PI4KA: variants seen among roughly 807,000 people sequenced by gnomAD.
The protein encoded by PI4KA is PI4-kinase alpha.
In PI4KA, 122 loss-of-function variants were observed where a neutral mutation model predicts 271.4. The ratio of observed to expected loss-of-function variants is 0.45; its 90% confidence interval spans 0.39 to 0.52. PI4KA has a LOEUF of 0.52. Among genes scored for constraint, PI4KA ranks in the 20% least tolerant of loss-of-function variants. The pLI is 0.00. For synonymous variants in PI4KA, 1,041 were observed against 1,078.8 expected (o/e 0.96, Z 0.69); for missense variants, 1,969 against 2,769.1 (o/e 0.71, Z 6.48).
chr22:20,770,051 T>C lies in PI4KA; in HGVS notation c.2329-4358A>G, dbSNP rs118040554. Among the ~76,000 whole-genome samples, 352 of 152,290 alleles carry C rather than the reference T, an allele frequency of 2.3e-3. 3 individuals carry two copies. In the East Asian group the frequency reaches 0.054, roughly 23 times the overall value. On this transcript the variant is annotated intron_variant, in intron 19 of 54. Coordinates refer to ENST00000255882, the MANE Select transcript of PI4KA (RefSeq NM_058004.4). ...TTATTCCAATTTCTCTGTGTATGTA[T>C]ACATATTTTTTTTAGAGACAGGGTC...
At position 20,765,156 on chromosome 22, in the gene PI4KA, G is replaced by A; in HGVS notation, c.2518C>T (p.Pro840Ser). The change falls in exon 21 of 55, where the codon CCA becomes TCA. Residue 840 changes from proline to serine, a missense_variant. Pro to Ser is a moderately conservative substitution (Grantham distance 74, BLOSUM62 -1). Transcript: ENST00000255882. ...SPLLTFPSKE[P>S]LRSVLQYNSA... is the part of the protein sequence containing the mutation. ...TTATACTGGAGGACGGACCGCAGTG[G>A]CTCCTTGCTGGGAAAGGTGAGCAAG... The A allele has an allele frequency of 6.2e-7, 1 of 1,613,728 alleles. No individual in the cohort carries two copies. Among genetic ancestry groups the A allele is most frequent in the Non-Finnish European group, 8.5e-7 (1 of 1,179,660 alleles).
At chr22:20,790,785 C>T (rs1934596231) in intron 19 of PI4KA, among the ~76,000 whole-genome samples, 1 of 150,982 alleles carries the variant, frequency 6.6e-6, no homozygotes, top group Non-Finnish European at 1.5e-5. Context: ...TCCAGAAGGT[C>T]CAAGGGGTAA....
chr22:20,786,724 C>A, intron 19 of PI4KA: 1 of 814,568 alleles, frequency 1.2e-6, no homozygotes, highest in Non-Finnish European at 2.0e-6. Flanking sequence ...CAGGTGGTGA[C>A]AGATATTTTC....
intron 19 of PI4KA, among the ~76,000 whole-genome samples, chr22:20,770,806 C>G (rs148478968): frequency 1.5e-3 from 223 of 152,256 alleles, no homozygotes; most frequent in Non-Finnish European, 1.9e-3. Flanking sequence ...ATCCTCCTGC[C>G]TCAGCCTCCC....
chr22:20,809,761 A>G (rs1935889747), intron 9 of PI4KA, among the ~76,000 whole-genome samples: 1 of 152,230 alleles, frequency 6.6e-6, no homozygotes, highest in East Asian at 1.9e-4. Context: ...AGGGTTGGAG[A>G]CAAGGTAGGA....
chr22:20,721,625 G>A (rs1926749974), intron 42 of PI4KA: 1 of 561,606 alleles, frequency 1.8e-6, no homozygotes, highest in Admixed American at 3.0e-5. Flanking sequence ...GGGACCTGGG[G>A]GGCAGGGTTG....
intron 40 of PI4KA, 110 bp downstream of exon 40, chr22:20,727,664 G>A: frequency 1.2e-6 from 1 of 817,602 alleles, no homozygotes; most frequent in Non-Finnish European, 2.0e-6. Flanking sequence ...GAATAGCACT[G>A]AAGTTGCCAA....
At chr22:20,784,142 A>T in intron 19 of PI4KA, 1 of 1,614,212 alleles carries the variant, frequency 6.2e-7, no homozygotes, top group Non-Finnish European at 8.5e-7. Flanking sequence ...GGGGGGCATC[A>T]GCATGCTAAT....
At chr22:20,771,431 A>C (rs1932869177) in intron 19 of PI4KA, among the ~76,000 whole-genome samples, 1 of 151,696 alleles carries the variant, frequency 6.6e-6, no homozygotes, top group Non-Finnish European at 1.5e-5. Flanking sequence ...TCAAAAAAAA[A>C]AAAGCCATAC....
At chr22:20,739,241 G>C (rs1419213131) in intron 32 of PI4KA, among the ~76,000 whole-genome samples, 1 of 151,414 alleles carries the variant, frequency 6.6e-6, no homozygotes, top group Non-Finnish European at 1.5e-5. Flanking sequence ...AGCTACTCGG[G>C]AGGCTGAGAC....
At chr22:20,840,606 T>C (rs994037382) in intron 1 of PI4KA, among the ~76,000 whole-genome samples, 38 of 152,266 alleles carry the variant, frequency 2.5e-4, no homozygotes, top group African/African-American at 9.1e-4. Context: ...ATGGTAGCAA[T>C]CAACGAGTAG....
At chr22:20,845,869 A>C (rs1199648232) in intron 1 of PI4KA, among the ~76,000 whole-genome samples, 1 of 151,782 alleles carries the variant, frequency 6.6e-6, no homozygotes, top group Admixed American at 6.6e-5. Flanking sequence ...TGTCTCCAAA[A>C]ATACAAAATA....
chr22:20,765,362 G>A (rs1198201928), intron 20 of PI4KA, 126 bp from the exon 21 acceptor site: 6 of 1,050,196 alleles, frequency 5.7e-6, no homozygotes, highest in African/African-American at 1.6e-5. Context: ...GCACAGAAAC[G>A]AAGTCTGTTA....
At chr22:20,751,223 C>A in intron 27 of PI4KA, 70 bp downstream of exon 27, 1 of 1,265,840 alleles carries the variant, frequency 7.9e-7, no homozygotes, top group South Asian at 1.3e-5. Context: ...GCAGGTTGAC[C>A]ATCTCGTGGA....
rs981442069 is a variant in PI4KA, at chr22:20,796,414, G to A, written c.2109-100C>T. The A allele has an allele frequency of 4.6e-6, 5 of 1,092,778 alleles. No homozygotes were observed. The African/African-American group carries it at 7.8e-5, about 17-fold the overall frequency. The allele number at this position is 1,092,778 out of a possible 1,614,324, so 67.7% of individuals were successfully genotyped here. A position where few individuals can be genotyped will look rare whatever the true frequency, so the allele number is the denominator to read the frequency against. ...AGGCGAGCTGAGCGGGCCAGGCCCA[G>A]CCTGCCTTACCACACTCCTCCCAGT... On this transcript the variant is annotated intron_variant, in intron 17 of 54. Transcript: ENST00000255882.
intron 3 of PI4KA, among the ~76,000 whole-genome samples, chr22:20,831,143 G>A (rs1490198546): frequency 6.6e-6 from 1 of 152,162 alleles, no homozygotes; most frequent in Non-Finnish European, 1.5e-5. Context: ...TCAAGACCCT[G>A]TAAGGCAGGT....
chr22:20,813,524 T>C lies in PI4KA; in HGVS notation c.857-18A>G, dbSNP rs1036909300. On this transcript the variant is annotated intron_variant, in intron 7 of 54. Coordinates refer to ENST00000255882, the MANE Select transcript of PI4KA (RefSeq NM_058004.4). ...GCAGGAGGCTGGTGGGAGATAAAGC[T>C]GGAAACTCAGCCGTGGTGACAGGCA... 2 of 1,612,176 alleles carry C rather than the reference T, an allele frequency of 1.2e-6. No homozygotes were observed. Among genetic ancestry groups the C allele is most frequent in the Non-Finnish European group, 1.7e-6 (2 of 1,178,986 alleles).
Position 20,729,444 on chromosome 22 carries a change from T to C in PI4KA, c.4551A>G (p.Leu1517=). 4 of 1,612,388 alleles carry C rather than the reference T, an allele frequency of 2.5e-6. No homozygotes were observed. Among genetic ancestry groups the C allele is most frequent in the Non-Finnish European group, 2.5e-6 (3 of 1,179,132 alleles). ...CCACGCTGTTCTCTCCGGCCTGGTCTAGTTCCAGTTCCGGGGCTGACAGCG... is the reference window on the plus strand; with the variant it reads ...CCACGCTGTTCTCTCCGGCCTGGTCCAGTTCCAGTTCCGGGGCTGACAGCG... ...YNPLSAPELE[L]DQAGENSVAN... Residue 1517 remains leucine, a synonymous_variant, in exon 39 of 55, where the codon CTA becomes CTG. Transcript: ENST00000255882.
At chr22:20,710,357 C>T in intron 52 of PI4KA, 2 of 529,168 alleles carry the variant, frequency 3.8e-6, no homozygotes, top group Non-Finnish European at 3.4e-6. Flanking sequence ...GCCAAGTGAC[C>T]TGTATATGAA....
Sources: gnomAD v4.1 joint callset for allele counts (sites outside exome capture counted in the v4.1 genomes callset) on GRCh38, gnomAD v4.1.1 for gene constraint, MANE v1.5 for transcripts, NCBI Gene and HGNC (gene_info 2026-07-23, HGNC 2026-07-21) for gene names.